Variants in KLK10 observed in about 807,000 individuals in gnomAD.
KLK10 encodes the protein kallikrein related peptidase 10.
Under a neutral mutation model 25.7 loss-of-function variants are expected in KLK10, and 27 were observed. The ratio of observed to expected loss-of-function variants is 1.05; its 90% CI spans 0.77 to 1.45. KLK10 has a LOEUF of 1.45. Among genes scored for constraint, KLK10 ranks in the 40% most tolerant of loss-of-function variants. The pLI is 0.00. For synonymous variants in KLK10, 173 were observed against 160.1 expected (o/e 1.08, Z -0.61); for missense variants, 386 against 370.0 (o/e 1.04, Z -0.35).
chr19:51,017,268 G>C lies in KLK10; in HGVS notation c.111C>G (p.Pro37=), dbSNP rs745967225. The C allele has an allele frequency of 2.5e-6, 4 of 1,608,308 alleles. No individual in the cohort carries two copies. The African/African-American group carries it at 4.0e-5, about 16-fold the overall frequency. ...CGGGGTCCAAGCGCGTGTCGTTTTG[G>C]GGGAGCAGCGCCGCCTCTGCGGCTG... ...QLWAAEAALL[P]QNDTRLDPEA... Residue 37 remains proline, a synonymous_variant, in exon 3 of 6, where the codon CCC becomes CCG. Transcript: ENST00000358789.
rs2091285145 is a variant in KLK10, at chr19:51,013,144, G to A, written c.*1656C>T. Reference sequence around the variant, plus strand: ...TGACATTTCCTGCGTGTGCTAATGGGGGCAGAATGGGAAAGAGGCCACGGA... The same window carrying A: ...TGACATTTCCTGCGTGTGCTAATGGAGGCAGAATGGGAAAGAGGCCACGGA... On this transcript the variant is annotated 3_prime_UTR_variant, in exon 6 of 6. Coordinates refer to ENST00000358789, the MANE Select transcript of KLK10 (RefSeq NM_145888.3). 6.6e-6 allele frequency: 1 copy of A among 152,130 alleles called. No homozygotes were observed. Among genetic ancestry groups the A allele is most frequent in the African/African-American group, 2.4e-5 (1 of 41,392 alleles). 9.4% of individuals were successfully genotyped at this position (152,130 alleles called of 1,614,324 possible). A position where few individuals can be genotyped will look rare whatever the true frequency, so the allele number is the denominator to read the frequency against.
chr19:51,018,261 AAAG>A (rs2091360680), intron 2 of KLK10, among the ~76,000 whole-genome samples: 1 of 150,924 alleles, frequency 6.6e-6, no homozygotes, highest in Non-Finnish European at 1.5e-5. Flanking sequence ...GTAAAACAAG[AAAG>A]AAGAAACAAA....
chr19:51,019,672 C>G lies in KLK10; in HGVS notation c.-55G>C, dbSNP rs1187429934. On this transcript the variant is annotated 5_prime_UTR_variant, in exon 1 of 6. Coordinates refer to ENST00000358789, the MANE Select transcript of KLK10 (RefSeq NM_145888.3). The surrounding 1 kb of genome is among the most constrained non-coding windows in gnomAD (Gnocchi z 4.2). The stretch of plus-strand genomic sequence containing the variant: ...GGAGGGAGGGGACCCAGACGTGCCT[C>G]TGCCCTGCCTGTGGTCTGCCGCTGG... 2 of 152,696 alleles carry G rather than the reference C, an allele frequency of 1.3e-5. No homozygotes were observed. The highest frequency in any genetic ancestry group is 2.4e-5 in the African/African-American group (1 of 41,442). 9.5% of individuals were successfully genotyped at this position (152,696 alleles called of 1,614,324 possible).
intron 2 of KLK10, among the ~76,000 whole-genome samples, chr19:51,017,542 G>A (rs1464255739): frequency 1.3e-5 from 2 of 152,014 alleles, no homozygotes; most frequent in Non-Finnish European, 2.9e-5. Flanking sequence ...GGAGGGCAGG[G>A]ACTGAACGCA....
rs982208102 is a variant in KLK10, at chr19:51,019,546, C to T, written c.-10+81G>A. ...AGGTGGAGAAACCGAGGCTCTAAGC[C>T]GGCTCCTGCCTGTGGCCCGGGGGTC... On this transcript the variant is annotated intron_variant, in intron 1 of 5. Transcript: ENST00000358789. The surrounding 1 kb of genome is among the most constrained non-coding windows in gnomAD (Gnocchi z 4.2). 1 of 160,346 alleles carries T rather than the reference C, an allele frequency of 6.2e-6. No individual in the cohort carries two copies. The highest frequency in any genetic ancestry group is 2.4e-5 in the African/African-American group (1 of 41,684). 9.9% of individuals were successfully genotyped at this position (160,346 alleles called of 1,614,324 possible). A position where few individuals can be genotyped will look rare whatever the true frequency, so the allele number is the denominator to read the frequency against.
chr19:51,019,921 T>G (rs2091384398), upstream of KLK10: 1 of 151,990 alleles, frequency 6.6e-6, no homozygotes, highest in Admixed American at 6.6e-5. The surrounding 1 kb of genome is among the most constrained non-coding windows in gnomAD (Gnocchi z 4.2). Context: ...TTTCATCCCT[T>G]TTGGAACTGG....
chr19:51,018,219 CAAGA>C lies in KLK10; in HGVS notation c.88+820_88+823del, dbSNP rs1219127006. On this transcript the variant is annotated intron_variant, in intron 2 of 5. Coordinates refer to ENST00000358789, the MANE Select transcript of KLK10 (RefSeq NM_145888.3). Reference sequence around the variant, plus strand: ...AGAAAAAGAGAGAGAAAGAAAAAAACAAGAAAGAAAGAAGAAAAAATAAGAGAGA... The same window carrying C: ...AGAAAAAGAGAGAGAAAGAAAAAAACAAGAAAGAAGAAAAAATAAGAGAGA... Among the ~76,000 whole-genome samples, 45 of 42,928 alleles carry C rather than the reference CAAGA, an allele frequency of 1.0e-3. No individual in the cohort carries two copies. The East Asian group carries it at 0.021, about 20-fold the overall frequency. The allele number at this position is 42,928 out of a possible 152,430, so 28.2% of individuals were successfully genotyped here. A position where few individuals can be genotyped will look rare whatever the true frequency, so the allele number is the denominator to read the frequency against.
Position 51,014,745 on chromosome 19 carries a change from G to A in KLK10, c.*55C>T. The A allele has an allele frequency of 6.3e-7, 1 of 1,576,100 alleles. No individual in the cohort carries two copies. Among genetic ancestry groups the A allele is most frequent in the South Asian group, 1.1e-5 (1 of 87,304 alleles). On this transcript the variant is annotated 3_prime_UTR_variant, in exon 6 of 6. Coordinates refer to ENST00000358789, the MANE Select transcript of KLK10 (RefSeq NM_145888.3). ...AGAGGATGGACGATGGAGCCTCTGG[G>A]CATCTGGATCAGCAGGAGCATAACA...
Position 51,014,904 on chromosome 19 carries a change from G to C in KLK10, c.727C>G (p.Leu243Val). Residue 243 changes from leucine (L) to valine (V), a missense_variant, in exon 6 of 6, where the codon CTC becomes GTC. Transcript: ENST00000358789. ...LVCDETLQGI[L>V]SWGVYPCGSA... The stretch of plus-strand genomic sequence containing the variant: ...CCACAGGGGTAAACACCCCACGAGA[G>C]GATGCCTTGGAGGGTCTCGTCACAG... 6.2e-7 allele frequency: 1 copy of C among 1,614,008 alleles called. No individual in the cohort carries two copies. Among genetic ancestry groups the C allele is most frequent in the Non-Finnish European group, 8.5e-7 (1 of 1,179,954 alleles).
At chr19:51,016,218 C>G in intron 3 of KLK10, 62 bp from the exon 4 acceptor site, 1 of 1,473,774 alleles carries the variant, frequency 6.8e-7, no homozygotes, top group Non-Finnish European at 9.0e-7. Context: ...AGCAGGTGGG[C>G]AGTGACGCAG....
Position 51,016,968 on chromosome 19 carries a change from C to A in KLK10, c.269+142G>T, listed in dbSNP as rs1309212434. ...GCCCCCTGGCGGCCACAGCGCAAGC[C>A]CGGTCTCTCCTCCTGCTGGAAGGAC... is the stretch of plus-strand genomic sequence containing the variant. On this transcript the variant is annotated intron_variant, in intron 3 of 5. Coordinates refer to ENST00000358789, the MANE Select transcript of KLK10 (RefSeq NM_145888.3). 3 of 862,938 alleles carry A rather than the reference C, an allele frequency of 3.5e-6. No individual in the cohort carries two copies. The South Asian group carries it at 5.6e-5, about 16-fold the overall frequency. The allele number at this position is 862,938 out of a possible 1,614,324, so 53.5% of individuals were successfully genotyped here. A position where few individuals can be genotyped will look rare whatever the true frequency, so the allele number is the denominator to read the frequency against.
Position 51,014,718 on chromosome 19 carries a change from G to A in KLK10, c.*82C>T. The A allele has an allele frequency of 6.9e-7, 1 of 1,450,492 alleles. No individual in the cohort carries two copies. Among genetic ancestry groups the A allele is most frequent in the Admixed American group, 1.7e-5 (1 of 57,828 alleles). 89.9% of individuals were successfully genotyped at this position (1,450,492 alleles called of 1,614,324 possible). ...GGGGAGAGTTCAGCCGACTGGGGAG[G>A]AAGAGGATGGACGATGGAGCCTCTG... On this transcript the variant is annotated 3_prime_UTR_variant, in exon 6 of 6. Transcript: ENST00000358789.
intron 5 of KLK10, 87 bp downstream of exon 5, chr19:51,015,330 G>T: frequency 6.9e-7 from 1 of 1,457,060 alleles, no homozygotes; most frequent in Non-Finnish European, 9.5e-7. Context: ...GAATGGAGTT[G>T]GGGATCGGGC....
chr19:51,018,028 C>T (rs1262632005), intron 2 of KLK10, among the ~76,000 whole-genome samples: 2 of 75,060 alleles, frequency 2.7e-5, no homozygotes, highest in Non-Finnish European at 5.2e-5. Context: ...AAAAAAAAGC[C>T]GGATGTGGTG....
Position 51,015,941 on chromosome 19 carries a change from C to G in KLK10, c.485G>C (p.Cys162Ser). The change falls in exon 4 of 6, where the codon TGT (cysteine) becomes TCT (serine). Residue 162 changes from cysteine to serine, a missense_variant. Coordinates refer to ENST00000358789, the MANE Select transcript of KLK10 (RefSeq NM_145888.3). ...RVRALQLPYR[C>S]AQPGDQCQVA... is the part of the protein sequence containing the mutation. ...CTGGCACTGGTCTCCGGGCTGAGCA[C>G]AGCGGTAGGGAAGCTGCAGGGCCCG... 3.1e-6 allele frequency: 5 copies of G among 1,591,140 alleles called. No individual in the cohort carries two copies. Among genetic ancestry groups the G allele is most frequent in the Non-Finnish European group, 4.3e-6 (5 of 1,171,590 alleles).
chr19:51,014,913 G>T lies in KLK10; in HGVS notation c.718C>A (p.Gln240Lys), dbSNP rs779521506. The part of the protein sequence containing the change: ...GGPLVCDETL[Q>K]GILSWGVYPC... ...TAAACACCCCACGAGAGGATGCCTT[G>T]GAGGGTCTCGTCACAGACCAGGGGG... The change falls in exon 6 of 6, where the codon CAA becomes AAA. Residue 240 changes from glutamine (Q) to lysine (K), a missense_variant. Coordinates refer to ENST00000358789, the MANE Select transcript of KLK10 (RefSeq NM_145888.3). 1 of 1,614,054 alleles carries T rather than the reference G, an allele frequency of 6.2e-7. No individual in the cohort carries two copies. The highest frequency in any genetic ancestry group is 1.1e-5 in the South Asian group (1 of 91,068).
At chr19:51,017,365 A>T (rs1248977475) in intron 2 of KLK10, 75 bp from the exon 3 acceptor site, 3 of 1,374,994 alleles carry the variant, frequency 2.2e-6, no homozygotes, top group Non-Finnish European at 2.9e-6. Flanking sequence ...GGGCTGTGGC[A>T]CTGGACTGCG....
intron 2 of KLK10, 92 bp from the exon 3 acceptor site, chr19:51,017,382 G>T: frequency 8.4e-7 from 1 of 1,188,518 alleles, no homozygotes; most frequent in Non-Finnish European, 1.2e-6. Context: ...TGCGTTCGGG[G>T]ACGGGGGACG....
In KLK10 at chr19:51,019,027, C is replaced by CTG; in HGVS notation, c.88+14_88+15dup. The CTG allele has an allele frequency of 6.3e-7, 1 of 1,577,866 alleles. No homozygotes were observed. Among genetic ancestry groups the CTG allele is most frequent in the Non-Finnish European group, 8.6e-7 (1 of 1,164,858 alleles). Reference sequence around the variant, plus strand: ...TCCCACCGGCGCCTCTCCCCGCCCCCTGCCCCCGACCTTACCCCAGAGTTG... The same window carrying CTG: ...TCCCACCGGCGCCTCTCCCCGCCCCCTGTGCCCCCGACCTTACCCCAGAGTTG... On this transcript the variant is annotated intron_variant, in intron 2 of 5. Coordinates refer to ENST00000358789, the MANE Select transcript of KLK10 (RefSeq NM_145888.3). This position sits in a 1 kb window ranked among gnomAD's most constrained non-coding sequence, Gnocchi z 4.2.
Sources: gnomAD v4.1 joint callset for allele counts (sites outside exome capture counted in the v4.1 genomes callset) on GRCh38, gnomAD v4.1.1 for gene constraint, Gnocchi (gnomAD v3.1) non-coding constraint, MANE v1.5 for transcripts, NCBI Gene and HGNC (gene_info 2026-07-23, HGNC 2026-07-21) for gene names.